NSMCE2: variants seen among roughly 807,000 people sequenced by gnomAD.
NSMCE2 encodes E3 SUMO-protein ligase NSE2.
In NSMCE2, 24 loss-of-function variants were observed where a neutral mutation model predicts 23.8. The observed-to-expected ratio is 1.01, with a 90% CI of 0.73 to 1.42. NSMCE2 has a LOEUF of 1.42. Ranked by LOEUF, NSMCE2 falls within the 40% of genes most tolerant of loss-of-function variation. The probability of loss-of-function intolerance (pLI) is 0.00; values close to 1 mark genes in which losing one functional copy is unlikely to be tolerated. For synonymous variants in NSMCE2, 92 were observed against 94.1 expected, an observed-to-expected ratio of 0.98 and a Z score of 0.13; for missense variants, 284 against 296.5, an observed-to-expected ratio of 0.96 and a Z score of 0.31.
At chr8:125,315,806 T>TC (rs1354297645) in intron 5 of NSMCE2, among the ~76,000 whole-genome samples, 3 of 114,642 alleles carry the variant, frequency 2.6e-5, no homozygotes, top group South Asian at 2.7e-4. Flanking sequence ...CCCTTTTTTT[T>TC]CCCTCTCTTT....
intron 5 of NSMCE2, among the ~76,000 whole-genome samples, chr8:125,196,670 A>G (rs958172289): frequency 5.9e-5 from 9 of 152,326 alleles, no homozygotes; most frequent in Admixed American, 5.9e-4. Context: ...ATATGTGTGC[A>G]TGTGTCTTTA....
chr8:125,207,257 G>A (rs1824152954), intron 5 of NSMCE2, among the ~76,000 whole-genome samples: 1 of 151,564 alleles, frequency 6.6e-6, no homozygotes. Flanking sequence ...GCAATAAAGA[G>A]TAAAGGTCAC....
intron 5 of NSMCE2, among the ~76,000 whole-genome samples, chr8:125,313,262 GAAAA>G (rs1228378616): frequency 6.6e-6 from 1 of 151,976 alleles, no homozygotes; most frequent in African/African-American, 2.4e-5. Flanking sequence ...AAGAAGGAAA[GAAAA>G]AAGAAAGGAT....
chr8:125,273,223 T>C (rs556456605), intron 5 of NSMCE2, among the ~76,000 whole-genome samples: 1 of 152,320 alleles, frequency 6.6e-6, no homozygotes, highest in South Asian at 2.1e-4. Flanking sequence ...ATTTTGGTAT[T>C]GAGTCAACCA....
intron 5 of NSMCE2, among the ~76,000 whole-genome samples, chr8:125,299,804 C>CTTTTTTGTTTTTTTTTT (rs1828479254): frequency 1.4e-5 from 1 of 70,242 alleles, no homozygotes; most frequent in Non-Finnish European, 2.6e-5. Flanking sequence ...TTTTGGCTTT[C>CTTTTTTGTTTTTTTTTT]TTTTTTTTTT....
intron 5 of NSMCE2, among the ~76,000 whole-genome samples, chr8:125,257,751 G>A (rs541938104): frequency 1.3e-5 from 2 of 152,128 alleles, no homozygotes; most frequent in East Asian, 3.9e-4. Flanking sequence ...AGCCAGGATG[G>A]TCTCGATCTC....
At chr8:125,348,447 T>A (rs1438505589) in intron 5 of NSMCE2, 1 of 152,196 alleles carries the variant, frequency 6.6e-6, no homozygotes, top group African/African-American at 2.4e-5. Flanking sequence ...GCGAAATGTC[T>A]TCACATACAG....
chr8:125,096,401 G>A (rs767034058), intron 1 of NSMCE2, among the ~76,000 whole-genome samples: 2 of 152,118 alleles, frequency 1.3e-5, no homozygotes, highest in African/African-American at 2.4e-5. Context: ...AGTCCTAGAA[G>A]TTTGCTATTG....
intron 4 of NSMCE2, among the ~76,000 whole-genome samples, chr8:125,164,919 C>T (rs1821800453): frequency 6.6e-6 from 1 of 152,126 alleles, no homozygotes; most frequent in East Asian, 1.9e-4. Flanking sequence ...TTCTTCTTGC[C>T]AGGTTAGCCT....
At chr8:125,177,468 C>T (rs933606621) in intron 4 of NSMCE2, among the ~76,000 whole-genome samples, 5 of 152,172 alleles carry the variant, frequency 3.3e-5, no homozygotes, top group African/African-American at 1.2e-4. Flanking sequence ...TTCATTGGTT[C>T]ACACAGAACT....
At chr8:125,213,594 T>TCTTTC (rs1267088125) in intron 5 of NSMCE2, among the ~76,000 whole-genome samples, 1 of 130,582 alleles carries the variant, frequency 7.7e-6, no homozygotes, top group Non-Finnish European at 1.6e-5. Context: ...TTTCTTCTCC[T>TCTTTC]CTTTCCTTTC....
At chr8:125,186,607 A>G (rs1823118933) in intron 5 of NSMCE2, among the ~76,000 whole-genome samples, 1 of 152,210 alleles carries the variant, frequency 6.6e-6, no homozygotes, top group African/African-American at 2.4e-5. Context: ...TCAAAAGCAA[A>G]GAAAACATCA....
intron 3 of NSMCE2, among the ~76,000 whole-genome samples, chr8:125,133,459 G>C (rs974636260): frequency 6.6e-6 from 1 of 152,164 alleles, no homozygotes; most frequent in South Asian, 2.1e-4. Flanking sequence ...TTTAAATTCA[G>C]CCGGGTGTGG....
intron 3 of NSMCE2, among the ~76,000 whole-genome samples, chr8:125,102,799 T>C (rs959164797): frequency 1.3e-5 from 2 of 152,192 alleles, no homozygotes; most frequent in African/African-American, 4.8e-5. Context: ...GGTATATAAA[T>C]TTATTATGAT....
At chr8:125,318,671 G>GA (rs946043573) in intron 5 of NSMCE2, among the ~76,000 whole-genome samples, 3 of 149,656 alleles carry the variant, frequency 2.0e-5, no homozygotes, top group East Asian at 3.9e-4. Context: ...AAATAACAGA[G>GA]AAAAAAAAAG....
At chr8:125,336,567 G>A (rs1830068351) in intron 5 of NSMCE2, among the ~76,000 whole-genome samples, 1 of 152,218 alleles carries the variant, frequency 6.6e-6, no homozygotes, top group Non-Finnish European at 1.5e-5. Flanking sequence ...ATGAGGATAT[G>A]GGTGGCTTTG....
intron 5 of NSMCE2, among the ~76,000 whole-genome samples, chr8:125,184,100 C>T (rs1455590840): frequency 6.6e-6 from 1 of 151,818 alleles, no homozygotes; most frequent in Non-Finnish European, 1.5e-5. Context: ...TATTTGGAGC[C>T]AGTACTCATA....
intron 5 of NSMCE2, among the ~76,000 whole-genome samples, chr8:125,206,803 C>T (rs1824135165): frequency 6.6e-6 from 1 of 152,034 alleles, no homozygotes; most frequent in African/African-American, 2.4e-5. Flanking sequence ...TCGTGTAAGA[C>T]CATGGCTAAA....
chr8:125,198,524 C>A (rs1364968212), intron 5 of NSMCE2, among the ~76,000 whole-genome samples: 2 of 152,278 alleles, frequency 1.3e-5, no homozygotes, highest in South Asian at 2.1e-4. Context: ...AGCCTTGCAT[C>A]CCAGGGATGA....
Sources: gnomAD v4.1 joint callset for allele counts (sites outside exome capture counted in the v4.1 genomes callset) on GRCh38, gnomAD v4.1.1 for gene constraint, MANE v1.5 for transcripts, NCBI Gene and HGNC (gene_info 2026-07-23, HGNC 2026-07-21) for gene names.